The following MRTFB variants were observed in gnomAD, a reference collection of about 807,000 sequenced individuals.
The protein encoded by MRTFB is myocardin-related transcription factor B.
In MRTFB, 29 loss-of-function variants were observed where a neutral mutation model predicts 104.2. That is an observed-to-expected ratio of 0.28 (90% CI 0.21 to 0.38). MRTFB has a LOEUF of 0.38. Ranked by LOEUF, MRTFB falls within the 10% of genes least tolerant of loss-of-function variation. The pLI, the probability that MRTFB is intolerant of heterozygous loss-of-function variation, is 1.00. For synonymous variants in MRTFB, 535 were observed against 519.5 expected, an observed-to-expected ratio of 1.03 and a Z score of -0.41; for missense variants, 1,270 against 1,341.6, an observed-to-expected ratio of 0.95 and a Z score of 0.83.
At chr16:14,208,126 C>G (rs570674524) in intron 3 of MRTFB, among the ~76,000 whole-genome samples, 19 of 152,324 alleles carry the variant, frequency 1.2e-4, no homozygotes, top group African/African-American at 4.1e-4. Context: ...GTATGTTACC[C>G]TCATGGTAGC....
chr16:14,077,533 A>G (rs1325356745), intron 1 of MRTFB, among the ~76,000 whole-genome samples: 2 of 148,384 alleles, frequency 1.3e-5, no homozygotes, highest in Non-Finnish European at 3.0e-5. Flanking sequence ...TTTTTTGGCA[A>G]TTCTTGCTAG....
chr16:14,210,224 G>T lies in MRTFB; in HGVS notation c.155-19G>T, dbSNP rs2151166124. 6.2e-7 allele frequency: 1 copy of T among 1,609,008 alleles called. No individual in the cohort carries two copies. The highest frequency in any genetic ancestry group is 1.1e-5 in the South Asian group (1 of 90,346). On this transcript the variant is annotated intron_variant, in intron 3 of 16. Coordinates refer to ENST00000571589, the MANE Select transcript of MRTFB (RefSeq NM_001308142.2). Reference sequence around the variant, plus strand: ...ACAGTTGCCGATAAACTCCAATGGTGATTATTTCCTTTTCACAGTGCTCCA... The same window carrying T: ...ACAGTTGCCGATAAACTCCAATGGTTATTATTTCCTTTTCACAGTGCTCCA...
chr16:14,139,619 A>G (rs9888894), intron 2 of MRTFB, among the ~76,000 whole-genome samples: 21,061 of 152,212 alleles, frequency 0.14, 3,463 homozygotes, highest in African/African-American at 0.4. Flanking sequence ...GGTATTTACC[A>G]TTTGGATATT....
chr16:14,225,749 G>A (rs973676009), intron 8 of MRTFB, among the ~76,000 whole-genome samples: 6 of 152,104 alleles, frequency 3.9e-5, no homozygotes, highest in Non-Finnish European at 8.8e-5. Context: ...AGCTGGTCTC[G>A]AACTCCTGAG....
At position 14,232,598 on chromosome 16, in the gene MRTFB, A is replaced by T. The variant is rs117714295; in HGVS notation, c.694-1548A>T. On this transcript the variant is annotated intron_variant, in intron 8 of 16. Coordinates refer to ENST00000571589, the MANE Select transcript of MRTFB (RefSeq NM_001308142.2). ...TTGTCAACACTCACAGTTACTAATA[A>T]CTGAAAAGCTGAAATCAGCAGCTGA... 4.6e-4 allele frequency among the ~76,000 whole-genome samples: 70 copies of T among 152,360 alleles called. No individual in the cohort carries two copies. In the East Asian group the frequency reaches 0.013, roughly 29 times the overall value.
chr16:14,005,150 G>C, the MRTFB span, among the ~76,000 whole-genome samples: 1 of 152,212 alleles, frequency 6.6e-6, no homozygotes, highest in African/African-American at 2.4e-5. Context: ...ATGAACAACA[G>C]CTGAGAACAC....
chr16:14,156,406 C>G (rs2038830497), intron 3 of MRTFB, among the ~76,000 whole-genome samples: 1 of 152,194 alleles, frequency 6.6e-6, no homozygotes, highest in Non-Finnish European at 1.5e-5. Context: ...CTGGAAGTAC[C>G]AAGTTGCTCT....
At chr16:14,152,219 T>TA (rs1184403723) in intron 3 of MRTFB, 1 of 152,078 alleles carries the variant, frequency 6.6e-6, no homozygotes, top group East Asian at 1.9e-4. Flanking sequence ...ATCTCTAAAT[T>TA]AAGTTTTTTT....
At chr16:14,071,040 G>C (rs1046426659), upstream of MRTFB, among the ~76,000 whole-genome samples, 36 of 152,214 alleles carry the variant, frequency 2.4e-4, no homozygotes, top group African/African-American at 8.7e-4. Flanking sequence ...CCTTTGCAGA[G>C]GCTCAGGGCC....
intron 2 of MRTFB, among the ~76,000 whole-genome samples, chr16:14,096,139 C>T (rs767263759): frequency 1.3e-5 from 2 of 152,102 alleles, no homozygotes; most frequent in Non-Finnish European, 1.5e-5. Flanking sequence ...TGCAGTGGCG[C>T]GATCTTGGCC....
intron 3 of MRTFB, among the ~76,000 whole-genome samples, chr16:14,171,652 T>C (rs1297263763): frequency 2.0e-5 from 3 of 152,230 alleles, no homozygotes; most frequent in African/African-American, 7.2e-5. Context: ...AACTCCACTC[T>C]CTGACAGTGA....
the MRTFB span, among the ~76,000 whole-genome samples, chr16:14,029,418 AAATAT>A: frequency 2.7e-5 from 2 of 74,032 alleles, no homozygotes; most frequent in African/African-American, 8.2e-5. Context: ...AAAAAAAAAA[AAATAT>A]ATATATATAT....
the MRTFB span, among the ~76,000 whole-genome samples, chr16:14,053,354 T>C: frequency 6.6e-6 from 1 of 152,174 alleles, no homozygotes. Flanking sequence ...AATCCATATC[T>C]TGGCTATTGT....
chr16:14,023,078 C>T, the MRTFB span, among the ~76,000 whole-genome samples: 7 of 152,002 alleles, frequency 4.6e-5, no homozygotes, highest in Admixed American at 2.0e-4. Context: ...GTGGTTTCCC[C>T]TCTGCCACCC....
intron 10 of MRTFB, chr16:14,240,727 C>G: frequency 1.3e-6 from 1 of 790,642 alleles, no homozygotes; most frequent in East Asian, 2.4e-5. Flanking sequence ...TGCCTTTTCA[C>G]AATTATTCAT....
At chr16:14,251,376 CAAAAAAAAAAA>C (rs776143724) in intron 13 of MRTFB, among the ~76,000 whole-genome samples, 2 of 44,708 alleles carry the variant, frequency 4.5e-5, no homozygotes, top group East Asian at 6.9e-4. Flanking sequence ...GACTCCGTCT[CAAAAAAAAAAA>C]AAAAAAAAAA....
chr16:14,244,253 C>T (rs984892124), intron 10 of MRTFB, among the ~76,000 whole-genome samples: 7 of 152,070 alleles, frequency 4.6e-5, no homozygotes, highest in Non-Finnish European at 8.8e-5. Flanking sequence ...TTTAATATTT[C>T]GTGACTGACT....
intron 3 of MRTFB, among the ~76,000 whole-genome samples, chr16:14,166,671 C>T (rs1320809568): frequency 6.6e-6 from 1 of 152,000 alleles, no homozygotes; most frequent in African/African-American, 2.4e-5. Context: ...CCGCACCCAC[C>T]CCCGACAGCC....
chr16:14,090,658 T>C (rs554404794), intron 2 of MRTFB, among the ~76,000 whole-genome samples: 1 of 152,262 alleles, frequency 6.6e-6, no homozygotes, highest in East Asian at 1.9e-4. Flanking sequence ...TCTGCAAAGA[T>C]GGGTGGGTGA....
Sources: allele counts gnomAD v4.1 joint callset (sites outside exome capture counted in the v4.1 genomes callset), GRCh38; gene constraint gnomAD v4.1.1; transcripts MANE v1.5; gene names NCBI Gene and HGNC (gene_info 2026-07-23, HGNC 2026-07-21).